Variants in FSD1L observed in about 807,000 individuals in gnomAD.
FSD1L encodes FSD1-like protein.
FSD1L carries 45 observed loss-of-function variants against 71.6 expected under a neutral mutation model. The ratio of observed to expected loss-of-function variants is 0.63; its 90% CI spans 0.49 to 0.81. The LOEUF is 0.81. Among genes scored for constraint, FSD1L ranks in the 30% least tolerant of loss-of-function variants. The pLI is 0.00. For synonymous variants in FSD1L, 197 were observed against 207.2 expected, an observed-to-expected ratio of 0.95 and a Z score of 0.42; for missense variants, 561 against 618.1, an observed-to-expected ratio of 0.91 and a Z score of 0.98.
At position 105,448,126 on chromosome 9, in the gene FSD1L, G is replaced by GC; in HGVS notation, c.-94dup. On this transcript the variant is annotated 5_prime_UTR_variant, in exon 1 of 14. Transcript: ENST00000481272. ...CGGTGCCGGTGCGGGCTGGGGCAGT[G>GC]CAGTGAGTAGCGGTCTTGGGGTGTG... 1.5e-6 allele frequency: 2 copies of GC among 1,310,872 alleles called. No individual in the cohort carries two copies. The highest frequency in any genetic ancestry group is 2.1e-6 in the Non-Finnish European group (2 of 934,148). 81.2% of individuals were successfully genotyped at this position (1,310,872 alleles called of 1,614,324 possible). A position where few individuals can be genotyped will look rare whatever the true frequency, so the allele number is the denominator to read the frequency against.
intron 9 of FSD1L, among the ~76,000 whole-genome samples, chr9:105,510,295 A>G (rs964744791): frequency 6.6e-6 from 1 of 152,210 alleles, no homozygotes; most frequent in Non-Finnish European, 1.5e-5. Context: ...CAAAACAGTG[A>G]TTCTGACCTT....
chr9:105,504,037 C>T (rs1251878301), intron 7 of FSD1L, among the ~76,000 whole-genome samples: 1 of 152,176 alleles, frequency 6.6e-6, no homozygotes, highest in East Asian at 1.9e-4. Flanking sequence ...TCCTACTCAC[C>T]AATTAAGTGA....
intron 10 of FSD1L, chr9:105,520,520 A>C: frequency 8.7e-7 from 1 of 1,156,064 alleles, no homozygotes; most frequent in Non-Finnish European, 1.3e-6. Context: ...TTTATTTTTG[A>C]GAAAATTTTA....
chr9:105,513,619 A>G, intron 10 of FSD1L: 1 of 1,533,596 alleles, frequency 6.5e-7, no homozygotes, highest in African/African-American at 1.4e-5. Context: ...ACTTCACTGA[A>G]GAAACATACA....
At chr9:105,523,076 G>A in intron 10 of FSD1L, 1 of 1,614,152 alleles carries the variant, frequency 6.2e-7, no homozygotes, top group South Asian at 1.1e-5. Context: ...CTGCTGATGT[G>A]GATTCAGGTT....
chr9:105,472,014 A>G lies in FSD1L; in HGVS notation c.441+9A>G. 1 of 1,422,934 alleles carries G rather than the reference A, an allele frequency of 7.0e-7. No individual in the cohort carries two copies. The highest frequency in any genetic ancestry group is 9.2e-7 in the Non-Finnish European group (1 of 1,085,252). The allele number at this position is 1,422,934 out of a possible 1,614,324, so 88.1% of individuals were successfully genotyped here. A position where few individuals can be genotyped will look rare whatever the true frequency, so the allele number is the denominator to read the frequency against. On this transcript the variant is annotated intron_variant, in intron 5 of 13. Coordinates refer to ENST00000481272, the MANE Select transcript of FSD1L (RefSeq NM_001145313.3). ...CTGAAGAATTTTCAAAGGTACACAA[A>G]AACTGCATTAATACACTTAACAAGG... is the stretch of plus-strand genomic sequence containing the variant.
intron 7 of FSD1L, among the ~76,000 whole-genome samples, chr9:105,504,944 A>G (rs1331504354): frequency 6.6e-6 from 1 of 152,054 alleles, no homozygotes; most frequent in African/African-American, 2.4e-5. Flanking sequence ...TAAACCCACT[A>G]CCTCCTCCAT....
chr9:105,548,802 T>G lies in FSD1L; in HGVS notation c.*2319T>G, dbSNP rs1837146964. ...TAAATTTTCAATTATTACTTCAAAA[T>G]AAGAGTCTGAGGATTTCTTCTTACT... On this transcript the variant is annotated 3_prime_UTR_variant, in exon 14 of 14. Transcript: ENST00000481272. 1 of 152,086 alleles carries G rather than the reference T, an allele frequency of 6.6e-6. No individual in the cohort carries two copies. The highest frequency in any genetic ancestry group is 1.5e-5 in the Non-Finnish European group (1 of 67,972). 9.4% of individuals were successfully genotyped at this position (152,086 alleles called of 1,614,324 possible).
At chr9:105,525,892 A>C (rs112443099) in intron 10 of FSD1L, 29 of 1,562,698 alleles carry the variant, frequency 1.9e-5, no homozygotes, top group African/African-American at 1.6e-4. Context: ...AATATTTCAC[A>C]TGTCAACAAG....
intron 7 of FSD1L, among the ~76,000 whole-genome samples, chr9:105,495,580 C>T (rs1330385258): frequency 6.6e-6 from 1 of 152,256 alleles, no homozygotes; most frequent in Non-Finnish European, 1.5e-5. Context: ...CAGAAATCAC[C>T]TGTCTTCTGC....
At chr9:105,491,975 C>G (rs534770200) in intron 7 of FSD1L, among the ~76,000 whole-genome samples, 53 of 152,112 alleles carry the variant, frequency 3.5e-4, no homozygotes, top group African/African-American at 1.2e-3. Context: ...TTGGTTGTGT[C>G]TCTGCCCGGC....
chr9:105,501,491 A>C (rs1833757061), intron 7 of FSD1L, among the ~76,000 whole-genome samples: 1 of 152,068 alleles, frequency 6.6e-6, no homozygotes, highest in African/African-American at 2.4e-5. Context: ...TGGCATCATC[A>C]TAGTTCACTG....
chr9:105,464,494 G>C (rs549658944), intron 3 of FSD1L, among the ~76,000 whole-genome samples, 163 bp downstream of exon 3: 1 of 152,094 alleles, frequency 6.6e-6, no homozygotes, highest in Non-Finnish European at 1.5e-5. Context: ...TTCCTGTTTT[G>C]TCCATGGAAA....
intron 10 of FSD1L, among the ~76,000 whole-genome samples, chr9:105,533,710 C>CACG (rs1836070687): frequency 9.7e-6 from 1 of 103,368 alleles, no homozygotes; most frequent in Non-Finnish European, 1.9e-5. Flanking sequence ...CATGAGCCAC[C>CACG]GCGTGCAGCC....
At chr9:105,455,852 A>G (rs1223899516) in intron 1 of FSD1L, among the ~76,000 whole-genome samples, 3 of 152,214 alleles carry the variant, frequency 2.0e-5, no homozygotes. Context: ...AATTGGCTAT[A>G]ATAATAGTTT....
intron 10 of FSD1L, chr9:105,520,695 C>T: frequency 1.2e-6 from 2 of 1,613,150 alleles, no homozygotes; most frequent in Non-Finnish European, 1.7e-6. Context: ...CAAAGAACAG[C>T]TCTGGATGTT....
intron 4 of FSD1L, among the ~76,000 whole-genome samples, chr9:105,469,070 T>G (rs1831266492): frequency 6.6e-6 from 1 of 152,244 alleles, no homozygotes; most frequent in South Asian, 2.1e-4. Context: ...TCAAGATTTA[T>G]TCATGTTATA....
At chr9:105,501,079 A>G (rs559429950) in intron 7 of FSD1L, among the ~76,000 whole-genome samples, 2 of 152,256 alleles carry the variant, frequency 1.3e-5, no homozygotes, top group Non-Finnish European at 2.9e-5. Context: ...TTTAAAGTGC[A>G]TGCAAATCAA....
chr9:105,522,501 G>T (rs1009316293), intron 10 of FSD1L: 1 of 1,613,842 alleles, frequency 6.2e-7, no homozygotes, highest in African/African-American at 1.3e-5. Context: ...GAGGAGTATA[G>T]TACGGCAAAA....
Sources: gnomAD v4.1 joint callset for allele counts (sites outside exome capture counted in the v4.1 genomes callset) on GRCh38, gnomAD v4.1.1 for gene constraint, MANE v1.5 for transcripts, NCBI Gene and HGNC (gene_info 2026-07-23, HGNC 2026-07-21) for gene names.